Variants in SPAG1 observed in about 807,000 individuals in gnomAD.
The protein encoded by SPAG1 is sperm-associated antigen 1.
In SPAG1, 69 loss-of-function variants were observed where a neutral mutation model predicts 100.5. The observed-to-expected ratio is 0.69, with a 90% CI of 0.57 to 0.84. The LOEUF is 0.84. SPAG1 is among the 40% of genes least tolerant of loss of function. The pLI is 0.00. For missense variants in SPAG1, 955 were observed against 1,133.1 expected, an observed-to-expected ratio of 0.84 and a Z score of 2.26; for synonymous variants, 336 against 411.6, an observed-to-expected ratio of 0.82 and a Z score of 2.22.
rs551274704 is a variant in SPAG1 at position 100,239,613 on chromosome 8, G to T, written c.2280+209G>T. On this transcript the variant is annotated intron_variant, in intron 17 of 18. Transcript: ENST00000388798. The surrounding 1 kb of genome is among the most constrained non-coding windows in gnomAD (Gnocchi z 5.0). ...AACGTGGGTCCATGGATGGTACTGG[G>T]AGTCTCTGCATTACTGCAGTTCTTC... Among the ~76,000 whole-genome samples, 12 of 152,220 alleles carry T rather than the reference G, an allele frequency of 7.9e-5. No individual in the cohort carries two copies. Among genetic ancestry groups the T allele is most frequent in the Non-Finnish European group, 1.6e-4 (11 of 68,038 alleles).
In SPAG1 at chr8:100,223,571, C is replaced by G. The variant is rs1045713259; in HGVS notation, c.1689-1602C>G. On this transcript the variant is annotated intron_variant, in intron 13 of 18. Coordinates refer to ENST00000388798, the MANE Select transcript of SPAG1 (RefSeq NM_003114.5). Reference sequence around the variant, plus strand: ...TTCCAATTCATTATGGAAAATTAAACAGCAGAAGCTTTTTTTTTTTTTTAA... The same window carrying G: ...TTCCAATTCATTATGGAAAATTAAAGAGCAGAAGCTTTTTTTTTTTTTTAA... Among the ~76,000 whole-genome samples, 17 of 146,008 alleles carry G rather than the reference C, an allele frequency of 1.2e-4. 1 individual carries two copies. In the South Asian group the frequency reaches 2.6e-3, roughly 22 times the overall value.
rs757339702 is a variant in SPAG1 at position 100,191,413 on chromosome 8, T to C, written c.856T>C (p.Tyr286His). The C allele has an allele frequency of 2.5e-6, 4 of 1,613,840 alleles. No homozygotes were observed. The highest frequency in any genetic ancestry group is 2.2e-5 in the South Asian group (2 of 91,056). The change falls in exon 9 of 19, where the codon TAT becomes CAT. Residue 286 changes from tyrosine (Y) to histidine (H), a missense_variant. Physicochemically the swap from Tyr to His is moderately conservative, Grantham distance 83. Transcript: ENST00000388798. ...AGCTCTTCTGCGTCGTGCTACTACA[T>C]ATAAACATCAAAACAAGCTCCGGGA... ...VKALLRRATTYKHQNKLREAT... is the reference protein window; with the variant it reads ...VKALLRRATTHKHQNKLREAT...
chr8:100,217,503 G>A lies in SPAG1; in HGVS notation c.1536-2776G>A, dbSNP rs756291424. 8.5e-5 allele frequency among the ~76,000 whole-genome samples: 13 copies of A among 152,062 alleles called. No homozygotes were observed. In the South Asian group the frequency reaches 2.7e-3, roughly 32 times the overall value. ...AAGATCTTGAAGGTCTCTAAGCCTG[G>A]CCTCTCCCCTCACCACAGCATCTCC... On this transcript the variant is annotated intron_variant, in intron 12 of 18. Coordinates refer to ENST00000388798, the MANE Select transcript of SPAG1 (RefSeq NM_003114.5).
chr8:100,238,281 A>C (rs979507696), intron 16 of SPAG1, among the ~76,000 whole-genome samples: 1 of 152,086 alleles, frequency 6.6e-6, no homozygotes, highest in African/African-American at 2.4e-5. Context: ...GAGCAGATTT[A>C]AGGTTATCCC....
At chr8:100,174,175 G>A (rs1053063529) in intron 3 of SPAG1, among the ~76,000 whole-genome samples, 5 of 152,082 alleles carry the variant, frequency 3.3e-5, no homozygotes, top group Admixed American at 6.6e-5. Flanking sequence ...ATAGTCTATC[G>A]TTGACTGAAA....
intron 15 of SPAG1, among the ~76,000 whole-genome samples, chr8:100,232,211 C>G (rs1311704299): frequency 2.0e-5 from 3 of 152,132 alleles, no homozygotes; most frequent in Admixed American, 1.3e-4. Context: ...CATTATTGGT[C>G]ACTCAGTTTT....
At position 100,240,882 on chromosome 8, in the gene SPAG1, T is replaced by G; in HGVS notation, c.2650-9T>G. On this transcript the variant is annotated splice_polypyrimidine_tract_variant and intron_variant, in intron 18 of 18. Transcript: ENST00000388798. ...GTTTTTTGTTTTTTTTTTTTTTTGC[T>G]TCTTTTAGATGATGTTGACACTAAT... 1.3e-6 allele frequency: 2 copies of G among 1,565,354 alleles called. No homozygotes were observed. Among genetic ancestry groups the G allele is most frequent in the Non-Finnish European group, 1.7e-6 (2 of 1,162,600 alleles).
At chr8:100,160,789 A>G (rs1011687776) in intron 1 of SPAG1, among the ~76,000 whole-genome samples, 11 of 152,256 alleles carry the variant, frequency 7.2e-5, no homozygotes, top group Middle Eastern at 6.8e-3. Context: ...ACAAAGAATG[A>G]TTGGGATGTT....
chr8:100,213,464 T>C, intron 11 of SPAG1, 36 bp downstream of exon 11: 1 of 1,365,516 alleles, frequency 7.3e-7, no homozygotes, highest in Non-Finnish European at 9.5e-7. Flanking sequence ...CCTGGGCCCC[T>C]CGCGCTGCGG....
At position 100,194,137 on chromosome 8, in the gene SPAG1, A is replaced by G; in HGVS notation, c.965A>G (p.Asp322Gly). ...AKKTLSEVER[D>G]LKNSEAASET... ...AAAACCTTGTCAGAGGTTGAAAGAG[A>G]TCTGAAAAATTCTGAAGCTGCATCT... Residue 322 changes from aspartate to glycine, a missense_variant, in exon 10 of 19, where the codon GAT becomes GGT. Coordinates refer to ENST00000388798, the MANE Select transcript of SPAG1 (RefSeq NM_003114.5). 6.3e-7 allele frequency: 1 copy of G among 1,584,892 alleles called. No individual in the cohort carries two copies. The highest frequency in any genetic ancestry group is 1.4e-5 in the African/African-American group (1 of 73,484).
intron 11 of SPAG1, 130 bp downstream of exon 11, chr8:100,213,558 G>C: frequency 1.3e-6 from 1 of 777,950 alleles, no homozygotes; most frequent in Non-Finnish European, 1.8e-6. Context: ...TTCCTCCCAG[G>C]TGACTAAGAG....
intron 14 of SPAG1, among the ~76,000 whole-genome samples, chr8:100,228,692 G>A (rs556850015): frequency 2.6e-5 from 4 of 151,964 alleles, no homozygotes; most frequent in South Asian, 2.1e-4. Context: ...TAGCCTGGGC[G>A]ACAGAGCCAG....
At chr8:100,176,263 T>C (rs898073435) in intron 3 of SPAG1, among the ~76,000 whole-genome samples, 3 of 152,248 alleles carry the variant, frequency 2.0e-5, no homozygotes, top group African/African-American at 7.2e-5. Context: ...TCTTCAGCTT[T>C]ATAGGTCCAT....
At chr8:100,178,259 C>G (rs114824911) in intron 4 of SPAG1, among the ~76,000 whole-genome samples, 1 of 151,352 alleles carries the variant, frequency 6.6e-6, no homozygotes, top group South Asian at 2.1e-4. Flanking sequence ...AGGTCTGATT[C>G]AGTGTGTGAA....
intron 17 of SPAG1, among the ~76,000 whole-genome samples, 196 bp from the exon 18 acceptor site, chr8:100,240,207 T>C (rs1819194321): frequency 6.6e-6 from 1 of 152,208 alleles, no homozygotes; most frequent in Admixed American, 6.5e-5. Context: ...CAAATAATTT[T>C]TTAAAACTTT....
chr8:100,225,378 T>C, intron 14 of SPAG1, 39 bp downstream of exon 14: 1 of 1,591,020 alleles, frequency 6.3e-7, no homozygotes, highest in Non-Finnish European at 8.6e-7. Flanking sequence ...CAAGGTTACC[T>C]TGAGTTGTGT....
chr8:100,176,098 A>G (rs1816099831), intron 3 of SPAG1, among the ~76,000 whole-genome samples: 1 of 152,180 alleles, frequency 6.6e-6, no homozygotes, highest in Admixed American at 6.5e-5. Context: ...AAACCTGCTC[A>G]GACAGATATT....
At chr8:100,181,365 A>T (rs1213899325) in intron 4 of SPAG1, among the ~76,000 whole-genome samples, 1 of 152,164 alleles carries the variant, frequency 6.6e-6, no homozygotes, top group Admixed American at 6.5e-5. Context: ...AAAGGGGGAT[A>T]TTTTTTGTCA....
chr8:100,184,398 C>T (rs1426819991), intron 6 of SPAG1, among the ~76,000 whole-genome samples: 1 of 151,942 alleles, frequency 6.6e-6, no homozygotes, highest in Non-Finnish European at 1.5e-5. Flanking sequence ...TGGACTAGCA[C>T]CTATAAAGTG....
Sources: gnomAD v4.1 joint callset for allele counts (sites outside exome capture counted in the v4.1 genomes callset) on GRCh38, gnomAD v4.1.1 for gene constraint, Gnocchi (gnomAD v3.1) non-coding constraint, MANE v1.5 for transcripts, NCBI Gene and HGNC (gene_info 2026-07-23, HGNC 2026-07-21) for gene names.